Variants in PPM1E observed in about 807,000 individuals in gnomAD.
PPM1E encodes protein phosphatase, Mg2+/Mn2+ dependent 1E.
PPM1E carries 20 observed loss-of-function variants against 65.9 expected under a neutral mutation model. That is an observed-to-expected ratio of 0.30 (90% confidence interval 0.21 to 0.44). The LOEUF (loss-of-function observed/expected upper bound fraction) is 0.44. PPM1E is among the 20% of genes least tolerant of loss of function. The pLI is 1.00. For synonymous variants in PPM1E, 352 were observed against 374.9 expected (o/e 0.94, Z 0.70); for missense variants, 713 against 953.1 (o/e 0.75, Z 3.32).
At chr17:58,867,137 C>T (rs2143328259) in intron 1 of PPM1E, among the ~76,000 whole-genome samples, 1 of 152,312 alleles carries the variant, frequency 6.6e-6, no homozygotes, top group South Asian at 2.1e-4. Flanking sequence ...TGTGCCGCCA[C>T]ACCCAGCTAA....
At position 58,960,697 on chromosome 17, in the gene PPM1E, C is replaced by T. The variant is rs139801451; in HGVS notation, c.583+4930C>T. 9.6e-3 allele frequency among the ~76,000 whole-genome samples: 1,417 copies of T among 148,120 alleles called. 12 individuals carry two copies. Among genetic ancestry groups the T allele is most frequent in the South Asian group, 0.018 (86 of 4,710 alleles). On this transcript the variant is annotated intron_variant, in intron 2 of 6. Coordinates refer to ENST00000308249, the MANE Select transcript of PPM1E (RefSeq NM_014906.5). ...GGCTGAGGCAGGAGAATTGAGGAGGCGGAGGTTCCAGTGAGCTGAGATCAC... is the reference window on the plus strand; with the variant it reads ...GGCTGAGGCAGGAGAATTGAGGAGGTGGAGGTTCCAGTGAGCTGAGATCAC...
chr17:58,845,342 A>G (rs1163698081), intron 1 of PPM1E, among the ~76,000 whole-genome samples: 1 of 151,132 alleles, frequency 6.6e-6, no homozygotes, highest in East Asian at 1.9e-4. Context: ...TAAAATACAC[A>G]TAACGAAATG....
chr17:58,816,782 ATATATATATATATTTT>A (rs1424018329), intron 1 of PPM1E, among the ~76,000 whole-genome samples: 56 of 8,468 alleles, frequency 6.6e-3, no homozygotes, highest in Middle Eastern at 0.056. Flanking sequence ...ATATATATAT[ATATATATATATATTTT>A]TTTTTTTTTT....
At chr17:58,884,789 A>G (rs1463818498) in intron 1 of PPM1E, among the ~76,000 whole-genome samples, 1 of 152,202 alleles carries the variant, frequency 6.6e-6, no homozygotes, top group Non-Finnish European at 1.5e-5. Context: ...CAGAGAATTA[A>G]TTAATTAGTT....
At chr17:58,780,885 G>T (rs1359363040) in intron 1 of PPM1E, among the ~76,000 whole-genome samples, 1 of 151,752 alleles carries the variant, frequency 6.6e-6, no homozygotes, top group Non-Finnish European at 1.5e-5. Context: ...TTTTTGTATT[G>T]GATACCACCA....
chr17:58,864,081 A>G lies in PPM1E; in HGVS notation c.465-91568A>G, dbSNP rs559167968. On this transcript the variant is annotated intron_variant, in intron 1 of 6. Coordinates refer to ENST00000308249, the MANE Select transcript of PPM1E (RefSeq NM_014906.5). ...TAGTATTTCCCTGCCTTCTGTCCAT[A>G]TCAACAGGAGGATCACTTGAGCCCA... Among the ~76,000 whole-genome samples the G allele has an allele frequency of 2.0e-5, 3 of 150,922 alleles. No individual in the cohort carries two copies. In the South Asian group the frequency reaches 6.4e-4, roughly 32 times the overall value.
At chr17:58,851,904 T>G (rs1308926854) in intron 1 of PPM1E, among the ~76,000 whole-genome samples, 1 of 152,228 alleles carries the variant, frequency 6.6e-6, no homozygotes, top group Admixed American at 6.5e-5. Context: ...CAGGCAGGCC[T>G]CCTTCGGCTG....
intron 1 of PPM1E, among the ~76,000 whole-genome samples, chr17:58,914,642 G>C (rs2051664503): frequency 6.6e-6 from 1 of 152,090 alleles, no homozygotes; most frequent in Non-Finnish European, 1.5e-5. Context: ...TATGGAGAAA[G>C]CTGACAAATG....
At chr17:58,862,961 TA>T (rs2050958621) in intron 1 of PPM1E, among the ~76,000 whole-genome samples, 1 of 152,220 alleles carries the variant, frequency 6.6e-6, no homozygotes, top group African/African-American at 2.4e-5. Context: ...TCTTAAAAGC[TA>T]AAAAGGGGTT....
In PPM1E at chr17:58,982,990, T is replaced by TA. The variant is rs935848969; in HGVS notation, c.*1969dup. Reference sequence around the variant, plus strand: ...TTATAGTCCAAAGTGCTTAGCGAAGTAAAAAAAAAAGCTTTTTAAAATTTC... The same window carrying TA: ...TTATAGTCCAAAGTGCTTAGCGAAGTAAAAAAAAAAAGCTTTTTAAAATTTC... On this transcript the variant is annotated 3_prime_UTR_variant, in exon 7 of 7. Coordinates refer to ENST00000308249, the MANE Select transcript of PPM1E (RefSeq NM_014906.5). 4,588 of 1,246,990 alleles carry TA rather than the reference T, an allele frequency of 3.7e-3. 2 individuals carry two copies. Among genetic ancestry groups the TA allele is most frequent in the African/African-American group, 8.7e-3 (553 of 63,796 alleles). The allele number at this position is 1,246,990 out of a possible 1,614,324, so 77.2% of individuals were successfully genotyped here. A position where few individuals can be genotyped will look rare whatever the true frequency, so the allele number is the denominator to read the frequency against.
chr17:58,965,600 G>T (rs1290579847), intron 2 of PPM1E, 94 bp from the exon 3 acceptor site: 1 of 1,210,888 alleles, frequency 8.3e-7, no homozygotes, highest in East Asian at 2.3e-5. Context: ...GGAGGAACTT[G>T]ACTAAGGTGA....
chr17:58,842,273 A>G (rs1231521366), intron 1 of PPM1E, among the ~76,000 whole-genome samples: 3 of 152,254 alleles, frequency 2.0e-5, no homozygotes, highest in Non-Finnish European at 4.4e-5. Context: ...AGGAGACGCG[A>G]CAAGTAAACG....
chr17:58,935,853 G>A (rs985553562), intron 1 of PPM1E, among the ~76,000 whole-genome samples: 1 of 151,552 alleles, frequency 6.6e-6, no homozygotes, highest in African/African-American at 2.4e-5. Flanking sequence ...TAAGTTTTAG[G>A]GTACATGTGC....
intron 1 of PPM1E, among the ~76,000 whole-genome samples, chr17:58,910,052 G>A (rs779597950): frequency 4.7e-5 from 7 of 148,234 alleles, no homozygotes; most frequent in African/African-American, 7.4e-5. Context: ...ATAGGTGCCC[G>A]CCACCACACC....
intron 1 of PPM1E, among the ~76,000 whole-genome samples, chr17:58,825,212 TCACA>T (rs955027575): frequency 7.2e-5 from 9 of 124,706 alleles, no homozygotes; most frequent in Non-Finnish European, 1.5e-4. Flanking sequence ...CTATTGATTC[TCACA>T]CACACACTCA....
intron 1 of PPM1E, among the ~76,000 whole-genome samples, chr17:58,780,653 G>A (rs1189690221): frequency 6.6e-6 from 1 of 152,148 alleles, no homozygotes; most frequent in African/African-American, 2.4e-5. Context: ...TGAGTATCAT[G>A]TGTTACAAAT....
chr17:58,892,792 A>G (rs1424221849), intron 1 of PPM1E, among the ~76,000 whole-genome samples: 1 of 152,216 alleles, frequency 6.6e-6, no homozygotes, highest in African/African-American at 2.4e-5. Flanking sequence ...ACCTGAACAC[A>G]CACTTTACCA....
chr17:58,889,726 AT>A (rs1193667572), intron 1 of PPM1E, among the ~76,000 whole-genome samples: 1 of 152,218 alleles, frequency 6.6e-6, no homozygotes, highest in Admixed American at 6.5e-5. Flanking sequence ...CCTTCTGTAA[AT>A]TTCTACTCTA....
intron 2 of PPM1E, among the ~76,000 whole-genome samples, chr17:58,964,516 CGGTAGACATAGGTGAAGT>C (rs2030149864): frequency 2.0e-5 from 3 of 151,246 alleles, no homozygotes; most frequent in East Asian, 1.9e-4. Context: ...ATAGGTGAAG[CGGTAGACATAGGTGAAGT>C]GGTAGACATA....
Sources: allele counts gnomAD v4.1 joint callset (sites outside exome capture counted in the v4.1 genomes callset), GRCh38; gene constraint gnomAD v4.1.1; transcripts MANE v1.5; gene names NCBI Gene and HGNC (gene_info 2026-07-23, HGNC 2026-07-21).